CTNND2: variants seen among roughly 807,000 people sequenced by gnomAD.
CTNND2 encodes the protein catenin delta-2.
In CTNND2, 22 loss-of-function variants were observed where a neutral mutation model predicts 144.4. That is an observed-to-expected ratio of 0.15 (90% CI 0.11 to 0.22). The LOEUF is 0.22. Among genes scored for constraint, CTNND2 ranks in the 10% least tolerant of loss-of-function variants. The pLI, the probability that CTNND2 is intolerant of heterozygous loss-of-function variation, is 1.00. For synonymous variants in CTNND2, 751 were observed against 695.6 expected (o/e 1.08, Z -1.25); for missense variants, 1,353 against 1,618.8 (o/e 0.84, Z 2.82).
chr5:11,817,723 G>C (rs112584018), intron 1 of CTNND2, among the ~76,000 whole-genome samples: 1,868 of 152,132 alleles, frequency 0.012, 17 homozygotes, highest in African/African-American at 0.018. Context: ...GTTACGGCGG[G>C]GATGGGATGC....
chr5:11,249,541 T>C (rs1011396664), intron 9 of CTNND2, among the ~76,000 whole-genome samples: 5 of 152,228 alleles, frequency 3.3e-5, no homozygotes, highest in African/African-American at 4.8e-5. Context: ...CAACCTGTGA[T>C]TGGCCAAGAA....
At chr5:11,330,623 A>G (rs1054847351) in intron 9 of CTNND2, among the ~76,000 whole-genome samples, 5 of 151,694 alleles carry the variant, frequency 3.3e-5, no homozygotes, top group African/African-American at 7.3e-5. Flanking sequence ...CAGGAGTTCC[A>G]GTCCAGCCTG....
At chr5:11,865,915 A>AAAAAAAAAAAAAAAAAAC (rs1553986082) in intron 1 of CTNND2, among the ~76,000 whole-genome samples, 1 of 149,228 alleles carries the variant, frequency 6.7e-6, no homozygotes, top group East Asian at 2.0e-4. Flanking sequence ...AAAAAAAAAA[A>AAAAAAAAAAAAAAAAAAC]CGAGTTCTCC....
intron 1 of CTNND2, among the ~76,000 whole-genome samples, chr5:11,856,416 A>T (rs1256478066): frequency 1.3e-5 from 2 of 152,092 alleles, no homozygotes; most frequent in Non-Finnish European, 2.9e-5. Flanking sequence ...TTCAGCACAA[A>T]GTTGCTGAAG....
intron 1 of CTNND2, among the ~76,000 whole-genome samples, chr5:11,855,292 A>G (rs1795201637): frequency 6.6e-6 from 1 of 152,148 alleles, no homozygotes; most frequent in South Asian, 2.1e-4. Flanking sequence ...CCAGGTATGA[A>G]TCCTAGTTCC....
At chr5:11,873,878 G>A (rs997849505) in intron 1 of CTNND2, among the ~76,000 whole-genome samples, 1 of 152,182 alleles carries the variant, frequency 6.6e-6, no homozygotes, top group African/African-American at 2.4e-5. Flanking sequence ...AGCGGGACCA[G>A]CTGGTGACAC....
chr5:11,397,142 C>G lies in CTNND2; in HGVS notation c.501G>C (p.Gln167His), dbSNP rs1760219168. 2 of 1,614,204 alleles carry G rather than the reference C, an allele frequency of 1.2e-6. No homozygotes were observed. Among genetic ancestry groups the G allele is most frequent in the Non-Finnish European group, 1.7e-6 (2 of 1,180,024 alleles). Residue 167 changes from glutamine (Q) to histidine (H), a missense_variant, in exon 6 of 22, where the codon CAG becomes CAC. Physicochemically the swap from Gln to His is conservative, Grantham distance 24 (BLOSUM62 0). This residue lies in a region of CTNND2 where 708 missense variants were observed against 706.4 expected (regional missense o/e 1.00). Coordinates refer to ENST00000304623, the MANE Select transcript of CTNND2 (RefSeq NM_001332.4). ...GGTTGCTATGGTAGCTGGCCGGATA[C>G]TGGAAAGACCCTTCAGGTTTGGAAT... Reference protein sequence around the residue: ...QLNSKPEGSFQYPASYHSNQT... With the variant: ...QLNSKPEGSFHYPASYHSNQT...
intron 12 of CTNND2, among the ~76,000 whole-genome samples, chr5:11,130,730 A>G (rs1301063699): frequency 6.6e-6 from 1 of 152,118 alleles, no homozygotes; most frequent in African/African-American, 2.4e-5. Flanking sequence ...TGTACTCACT[A>G]GGCATTGATT....
At chr5:11,276,932 T>C (rs1045284956) in intron 9 of CTNND2, among the ~76,000 whole-genome samples, 1 of 152,212 alleles carries the variant, frequency 6.6e-6, no homozygotes, top group African/African-American at 2.4e-5. Context: ...TCCAAGGGCG[T>C]GGGCCTGCTG....
intron 2 of CTNND2, among the ~76,000 whole-genome samples, chr5:11,661,640 C>T (rs1581684672): frequency 6.6e-6 from 1 of 152,172 alleles, no homozygotes; most frequent in East Asian, 1.9e-4. Flanking sequence ...AAAAAATCAT[C>T]AATTTCCTAG....
chr5:11,119,639 G>A (rs938162292), intron 12 of CTNND2, among the ~76,000 whole-genome samples: 4 of 152,234 alleles, frequency 2.6e-5, no homozygotes, highest in African/African-American at 9.6e-5. Context: ...TTTTCACCAG[G>A]TTGAGCTGTG....
chr5:11,181,829 G>GTGT (rs1735024317), intron 11 of CTNND2, among the ~76,000 whole-genome samples: 1 of 135,940 alleles, frequency 7.4e-6, no homozygotes, highest in Non-Finnish European at 1.6e-5. Flanking sequence ...GTGTGTGTGT[G>GTGT]TATGTGTGGC....
chr5:11,182,186 T>C lies in CTNND2; in HGVS notation c.1975+17262A>G, dbSNP rs575347837. Among the ~76,000 whole-genome samples the C allele has an allele frequency of 2.8e-5, 4 of 144,778 alleles. No homozygotes were observed. The East Asian group carries it at 8.4e-4, about 30-fold the overall frequency. 95.0% of individuals were successfully genotyped at this position (144,778 alleles called of 152,430 possible). A position where few individuals can be genotyped will look rare whatever the true frequency, so the allele number is the denominator to read the frequency against. The stretch of plus-strand genomic sequence containing the variant: ...GTGGTGTGAGTGGGCGTGTGGTGTG[T>C]GTGGGGTATGTGTGTGTGGGTGTGT... On this transcript the variant is annotated intron_variant, in intron 11 of 21. Coordinates refer to ENST00000304623, the MANE Select transcript of CTNND2 (RefSeq NM_001332.4).
At chr5:11,516,627 C>T (rs1021786283) in intron 3 of CTNND2, among the ~76,000 whole-genome samples, 1 of 151,676 alleles carries the variant, frequency 6.6e-6, no homozygotes, top group Non-Finnish European at 1.5e-5. Context: ...AAAATAAGTG[C>T]AAAATGTATA....
chr5:11,012,890 G>A (rs1054358694), intron 18 of CTNND2, among the ~76,000 whole-genome samples: 3 of 152,282 alleles, frequency 2.0e-5, no homozygotes, highest in Admixed American at 2.0e-4. Flanking sequence ...TTACCAAAGG[G>A]ATACCAACAA....
chr5:11,616,079 T>G (rs1387805221), intron 2 of CTNND2, among the ~76,000 whole-genome samples: 1 of 152,230 alleles, frequency 6.6e-6, no homozygotes, highest in Non-Finnish European at 1.5e-5. Context: ...ATTTTTCCTG[T>G]TACCCAAGTT....
chr5:11,399,545 A>G (rs1760450971), intron 5 of CTNND2, among the ~76,000 whole-genome samples: 1 of 152,244 alleles, frequency 6.6e-6, no homozygotes, highest in Non-Finnish European at 1.5e-5. Context: ...CTGTCTGTAC[A>G]GTATCTTCTA....
intron 3 of CTNND2, among the ~76,000 whole-genome samples, chr5:11,556,297 A>C (rs1416915618): frequency 1.3e-5 from 2 of 152,210 alleles, no homozygotes; most frequent in Non-Finnish European, 2.9e-5. Flanking sequence ...TGGTTTCCAA[A>C]AATAAATATT....
intron 2 of CTNND2, among the ~76,000 whole-genome samples, chr5:11,608,823 C>T (rs1581601326): frequency 6.6e-6 from 1 of 152,186 alleles, no homozygotes; most frequent in Non-Finnish European, 1.5e-5. Flanking sequence ...TGTTCAAATG[C>T]CTTCCCATGA....
Sources: allele counts gnomAD v4.1 joint callset (sites outside exome capture counted in the v4.1 genomes callset), GRCh38; gene constraint gnomAD v4.1.1; regional missense constraint gnomAD v4.1.1; transcripts MANE v1.5; gene names NCBI Gene and HGNC (gene_info 2026-07-23, HGNC 2026-07-21).